The following CDON variants were observed in gnomAD, a reference collection of about 807,000 sequenced individuals.
CDON encodes cell adhesion molecule-related/down-regulated by oncogenes.
CDON carries 73 observed loss-of-function variants against 120.9 expected under a neutral mutation model. The observed-to-expected ratio is 0.60, with a 90% CI of 0.50 to 0.73. The LOEUF (loss-of-function observed/expected upper bound fraction) is 0.73, where lower values mean the gene tolerates loss of function less well. CDON is among the 30% of genes least tolerant of loss of function. CDON has a pLI of 0.00. For missense variants in CDON, 1,470 were observed against 1,587.3 expected (o/e 0.93, Z 1.26); for synonymous variants, 566 against 573.5 (o/e 0.99, Z 0.19).
chr11:125,963,544 G>A (rs144685977), intron 18 of CDON, among the ~76,000 whole-genome samples: 99 of 152,234 alleles, frequency 6.5e-4, no homozygotes, highest in East Asian at 5.4e-3. Context: ...AGTTACACTC[G>A]TTCAAGTTAC....
chr11:125,992,549 G>A (rs116544208), intron 14 of CDON, among the ~76,000 whole-genome samples: 158 of 152,120 alleles, frequency 1.0e-3, no homozygotes, highest in African/African-American at 3.7e-3. Context: ...AGCTACTATC[G>A]TGAGTCCTAA....
At chr11:126,047,125 T>C (rs527272661) in intron 1 of CDON, among the ~76,000 whole-genome samples, 1 of 152,292 alleles carries the variant, frequency 6.6e-6, no homozygotes, top group East Asian at 1.9e-4. Context: ...AGCTATCCCT[T>C]GCTTCATACC....
chr11:126,027,928 T>G (rs571612495), intron 1 of CDON, among the ~76,000 whole-genome samples: 7 of 151,584 alleles, frequency 4.6e-5, no homozygotes, highest in African/African-American at 1.7e-4. Flanking sequence ...CTGATTTAAA[T>G]CATGTCAGAT....
chr11:126,056,233 GTTC>G (rs972993502), intron 1 of CDON, among the ~76,000 whole-genome samples: 1 of 152,172 alleles, frequency 6.6e-6, no homozygotes, highest in Non-Finnish European at 1.5e-5. Context: ...TTGTTGGATA[GTTC>G]TTCTTTCTTC....
chr11:125,981,589 C>T (rs1343784275), intron 16 of CDON, among the ~76,000 whole-genome samples: 1 of 152,118 alleles, frequency 6.6e-6, no homozygotes, highest in Non-Finnish European at 1.5e-5. Flanking sequence ...AAAGTTACTG[C>T]TATTATTTTC....
intron 1 of CDON, among the ~76,000 whole-genome samples, chr11:126,040,497 G>C (rs1039815398): frequency 3.9e-5 from 6 of 152,168 alleles, no homozygotes; most frequent in African/African-American, 1.4e-4. Context: ...TTTTTAAAAA[G>C]TGATTATAGG....
At chr11:126,038,636 G>A (rs558610919) in intron 1 of CDON, among the ~76,000 whole-genome samples, 153 of 151,590 alleles carry the variant, frequency 1.0e-3, no homozygotes, top group African/African-American at 3.6e-3. Context: ...TGGGCAACAG[G>A]AGCGAAACTC....
At chr11:125,997,559 C>T (rs1946825324) in intron 11 of CDON, 149 bp from the exon 12 acceptor site, 1 of 681,234 alleles carries the variant, frequency 1.5e-6, no homozygotes, top group African/African-American at 1.8e-5. Context: ...CAGCAGTCTT[C>T]CTGTCCTCTG....
At chr11:125,994,433 T>A in intron 13 of CDON, 44 bp from the exon 14 acceptor site, 1 of 1,011,450 alleles carries the variant, frequency 9.9e-7, no homozygotes, top group Non-Finnish European at 1.6e-6. Flanking sequence ...AAAATTAATG[T>A]AACCTTCTCA....
At chr11:126,013,789 G>A (rs912355491) in intron 7 of CDON, among the ~76,000 whole-genome samples, 1 of 151,640 alleles carries the variant, frequency 6.6e-6, no homozygotes, top group African/African-American at 2.4e-5. Context: ...CTATTTAATT[G>A]ATTTCTGCCC....
At chr11:125,999,465 T>A (rs997767080) in intron 11 of CDON, among the ~76,000 whole-genome samples, 3 of 152,186 alleles carry the variant, frequency 2.0e-5, no homozygotes, top group African/African-American at 7.2e-5. Context: ...ATGTGTCAGT[T>A]TCCTAATCTG....
chr11:125,977,147 G>A (rs139164877), intron 18 of CDON, among the ~76,000 whole-genome samples: 1 of 152,266 alleles, frequency 6.6e-6, no homozygotes, highest in South Asian at 2.1e-4. Context: ...CAAAAATGTG[G>A]TTTCAATGTT....
At chr11:126,039,876 A>T (rs527500253) in intron 1 of CDON, among the ~76,000 whole-genome samples, 2 of 152,108 alleles carry the variant, frequency 1.3e-5, no homozygotes, top group South Asian at 4.1e-4. Context: ...GACCCTTATC[A>T]CAAGCAGCCC....
At chr11:126,028,821 A>ATGTG (rs147411181) in intron 1 of CDON, among the ~76,000 whole-genome samples, 11 of 149,862 alleles carry the variant, frequency 7.3e-5, no homozygotes, top group African/African-American at 2.7e-4. Context: ...GTGTATATGT[A>ATGTG]TGTGTGTGTG....
chr11:126,016,100 T>C (rs1389456959), intron 6 of CDON, among the ~76,000 whole-genome samples: 1 of 152,212 alleles, frequency 6.6e-6, no homozygotes, highest in Non-Finnish European at 1.5e-5. Context: ...CAAAGCCCAC[T>C]TGTCATACAC....
chr11:126,015,585 T>TAG, intron 6 of CDON, 75 bp from the exon 7 acceptor site: 1 of 1,449,916 alleles, frequency 6.9e-7, no homozygotes, highest in Non-Finnish European at 9.6e-7. Flanking sequence ...GTGATAAAAA[T>TAG]CTTCTCTCTA....
In CDON at chr11:125,956,965, T is replaced by C; in HGVS notation, c.*3977A>G. On this transcript the variant is annotated 3_prime_UTR_variant, in exon 20 of 20. Coordinates refer to ENST00000531738, the MANE Select transcript of CDON (RefSeq NM_001378964.1). The stretch of plus-strand genomic sequence containing the variant: ...GGGCCACACCCGATGCAAAAGACTT[T>C]GCTGGCTTTCTGGTCAGACAAGCCT... 4 of 676,030 alleles carry C rather than the reference T, an allele frequency of 5.9e-6. No individual in the cohort carries two copies. The highest frequency in any genetic ancestry group is 7.3e-6 in the Non-Finnish European group (4 of 547,490). The allele number at this position is 676,030 out of a possible 1,614,324, so 41.9% of individuals were successfully genotyped here.
At chr11:125,993,057 C>T (rs1946674389) in intron 14 of CDON, among the ~76,000 whole-genome samples, 2 of 152,170 alleles carry the variant, frequency 1.3e-5, no homozygotes, top group Non-Finnish European at 1.5e-5. Context: ...TCAGAAAGTT[C>T]TTTCTTACGC....
At chr11:125,992,634 T>C (rs183656990) in intron 14 of CDON, among the ~76,000 whole-genome samples, 2 of 152,334 alleles carry the variant, frequency 1.3e-5, no homozygotes, top group African/African-American at 2.4e-5. Flanking sequence ...AAAATATTTA[T>C]TGAGCACCTA....
Sources: allele counts gnomAD v4.1 joint callset (sites outside exome capture counted in the v4.1 genomes callset), GRCh38; gene constraint gnomAD v4.1.1; transcripts MANE v1.5; gene names NCBI Gene and HGNC (gene_info 2026-07-23, HGNC 2026-07-21).